Variants in COL5A1 observed in about 807,000 individuals in gnomAD.
The protein encoded by COL5A1 is collagen alpha-1(V) chain.
COL5A1 carries 16 observed loss-of-function variants against 263.7 expected under a neutral mutation model. The ratio of observed to expected loss-of-function variants is 0.06; its 90% CI spans 0.04 to 0.09. The LOEUF is 0.09. Among genes scored for constraint, COL5A1 ranks in the 10% least tolerant of loss-of-function variants. The pLI, the probability that COL5A1 is intolerant of heterozygous loss-of-function variation, is 1.00. For synonymous variants in COL5A1, 1,012 were observed against 1,004.5 expected, an observed-to-expected ratio of 1.01 and a Z score of -0.14; for missense variants, 2,036 against 2,540.5, an observed-to-expected ratio of 0.80 and a Z score of 4.27.
chr9:134,725,029 T>G (rs1157691492), intron 4 of COL5A1, among the ~76,000 whole-genome samples: 1 of 152,182 alleles, frequency 6.6e-6, no homozygotes, highest in African/African-American at 2.4e-5. Context: ...GGTGGCAAGA[T>G]GAGCTCCAGA....
At chr9:134,817,727 T>C (rs1422563106) in intron 53 of COL5A1, 51 bp from the exon 54 acceptor site, 4 of 1,573,116 alleles carry the variant, frequency 2.5e-6, no homozygotes, top group Non-Finnish European at 3.5e-6. Context: ...AGCTCGTCCC[T>C]CCACCCCTGC....
At chr9:134,830,238 G>A (rs1839551504) in intron 64 of COL5A1, 194 bp downstream of exon 64, 31 of 1,498,976 alleles carry the variant, frequency 2.1e-5, no homozygotes, top group South Asian at 4.8e-5. Flanking sequence ...GCTGGCTCGC[G>A]GCTCTGCATG....
chr9:134,760,922 T>C (rs1390168696), intron 18 of COL5A1, among the ~76,000 whole-genome samples: 6 of 112,446 alleles, frequency 5.3e-5, no homozygotes, highest in East Asian at 3.1e-4. Context: ...CACACACACG[T>C]ACACACATGC....
chr9:134,668,270 G>A (rs1272655716), intron 1 of COL5A1, among the ~76,000 whole-genome samples: 2 of 152,130 alleles, frequency 1.3e-5, no homozygotes, highest in Non-Finnish European at 2.9e-5. Flanking sequence ...TCCAGCATGA[G>A]GCTTAAGGAG....
intron 54 of COL5A1, 83 bp downstream of exon 54, chr9:134,817,914 G>T: frequency 7.2e-7 from 1 of 1,382,020 alleles, no homozygotes; most frequent in Non-Finnish European, 1.0e-6. Flanking sequence ...AAGCGTGTGG[G>T]CAGAGATGTC....
rs533767435 is a variant in COL5A1 at position 134,720,226 on chromosome 9, C to T, written c.655-7040C>T. On this transcript the variant is annotated intron_variant, in intron 4 of 65. Transcript: ENST00000371817. ...TGGGGTTTCTTTGGCTGTGCGTGCG[C>T]GTTGTGACCCAGCCCCAAGCTCCAG... Among the ~76,000 whole-genome samples the T allele has an allele frequency of 1.1e-4, 16 of 152,234 alleles. No individual in the cohort carries two copies. The East Asian group carries it at 3.1e-3, about 30-fold the overall frequency.
chr9:134,674,652 G>A (rs896854636), intron 1 of COL5A1, among the ~76,000 whole-genome samples: 5 of 152,152 alleles, frequency 3.3e-5, no homozygotes, highest in African/African-American at 4.8e-5. Flanking sequence ...TTGGGAGGCC[G>A]AGGTGGGTGG....
intron 46 of COL5A1, 118 bp from the exon 47 acceptor site, chr9:134,812,331 C>A: frequency 1.9e-6 from 2 of 1,059,064 alleles, no homozygotes; most frequent in East Asian, 2.4e-5. Flanking sequence ...CAGAGAAGCA[C>A]CTTCCCGGGG....
chr9:134,657,945 C>T (rs951258600), intron 1 of COL5A1, among the ~76,000 whole-genome samples: 1 of 151,884 alleles, frequency 6.6e-6, no homozygotes, highest in African/African-American at 2.4e-5. Context: ...GAGACCAGGC[C>T]TGGGAGTCCT....
At chr9:134,793,528 C>T (rs1425268322) in intron 32 of COL5A1, among the ~76,000 whole-genome samples, 1 of 152,096 alleles carries the variant, frequency 6.6e-6, no homozygotes, top group Non-Finnish European at 1.5e-5. Flanking sequence ...TTGCTAACTG[C>T]CAGGGCCCCA....
intron 31 of COL5A1, among the ~76,000 whole-genome samples, chr9:134,787,550 G>T (rs765100746): frequency 2.8e-4 from 43 of 152,226 alleles, no homozygotes; most frequent in Non-Finnish European, 5.7e-4. Context: ...CCTCACTGCG[G>T]TGCTGCTTCC....
rs1433346223 is a variant in COL5A1 at position 134,818,322 on chromosome 9, G to A, written c.4231-334G>A. Among the ~76,000 whole-genome samples the A allele has an allele frequency of 6.6e-6, 1 of 152,186 alleles. No individual in the cohort carries two copies. The highest frequency in any genetic ancestry group is 1.5e-5 in the Non-Finnish European group (1 of 68,008). On this transcript the variant is annotated intron_variant, in intron 54 of 65. Transcript: ENST00000371817. The surrounding 1 kb of genome is among the most constrained non-coding windows in gnomAD (Gnocchi z 6.0). Reference sequence around the variant, plus strand: ...AGTGAGGTGATGGCGGCCCGGCCTGGCACTGTCTGCCTCCCTCCTGGAGGC... The same window carrying A: ...AGTGAGGTGATGGCGGCCCGGCCTGACACTGTCTGCCTCCCTCCTGGAGGC...
intron 2 of COL5A1, among the ~76,000 whole-genome samples, chr9:134,697,408 C>T (rs982981591): frequency 2.6e-5 from 4 of 152,144 alleles, no homozygotes; most frequent in South Asian, 2.1e-4. Context: ...GATGGGGGTT[C>T]GTGGGCCTAG....
At chr9:134,651,050 C>T (rs1831664062) in intron 1 of COL5A1, among the ~76,000 whole-genome samples, 1 of 152,212 alleles carries the variant, frequency 6.6e-6, no homozygotes, top group Non-Finnish European at 1.5e-5. Context: ...TGGCTCCGCT[C>T]CCTCCTGTTT....
Position 134,678,859 on chromosome 9 carries a change from G to A in COL5A1, c.110-12053G>A, listed in dbSNP as rs1190945886. Among the ~76,000 whole-genome samples the A allele has an allele frequency of 6.6e-6, 1 of 152,244 alleles. No homozygotes were observed. Among genetic ancestry groups the A allele is most frequent in the African/African-American group, 2.4e-5 (1 of 41,458 alleles). On this transcript the variant is annotated intron_variant, in intron 1 of 65. Transcript: ENST00000371817. This position sits in a 1 kb window ranked among gnomAD's most constrained non-coding sequence, Gnocchi z 5.5. The stretch of plus-strand genomic sequence containing the variant: ...TCTGCTTTTTGCCAAGGCAGAGCCT[G>A]GGAAGAGGGAGCAGGGATCAGGCTG...
intron 4 of COL5A1, among the ~76,000 whole-genome samples, chr9:134,715,797 G>A (rs894488226): frequency 2.0e-5 from 3 of 152,230 alleles, no homozygotes; most frequent in Admixed American, 6.5e-5. Flanking sequence ...TCTCAAGTCA[G>A]AAGAATTTTT....
At chr9:134,709,094 A>G (rs1429973381) in intron 4 of COL5A1, 1 of 380,902 alleles carries the variant, frequency 2.6e-6, no homozygotes, top group Non-Finnish European at 5.3e-6. Flanking sequence ...TTTCTGGACA[A>G]GGTCACCTGT....
rs796405005 is a variant in COL5A1, at chr9:134,690,821, TG to T, written c.110-86del. The T allele has an allele frequency of 2.4e-5, 35 of 1,456,744 alleles. 2 individuals are homozygous for T. In the East Asian group the frequency reaches 2.8e-4, roughly 11 times the overall value. The allele number at this position is 1,456,744 out of a possible 1,614,324, so 90.2% of individuals were successfully genotyped here. On this transcript the variant is annotated intron_variant, in intron 1 of 65. Transcript: ENST00000371817. ...TGCCCAGGATTCACAGTGGTGGGGG[TG>T]GGGGTGCTTCCTGTCATCCCAGCTT...
In COL5A1 at chr9:134,696,798, G is replaced by A. The variant is rs573350835; in HGVS notation, c.278-3111G>A. On this transcript the variant is annotated intron_variant, in intron 2 of 65. Coordinates refer to ENST00000371817, the MANE Select transcript of COL5A1 (RefSeq NM_000093.5). This position sits in a 1 kb window ranked among gnomAD's most constrained non-coding sequence, Gnocchi z 4.3. ...AAAAGTGAAAAGCTCTGGCCGGGCG[G>A]GGTGGCTCACACCTGTAATCCCAGC... is the stretch of plus-strand genomic sequence containing the variant. 3.0e-3 allele frequency among the ~76,000 whole-genome samples: 452 copies of A among 152,170 alleles called. 3 individuals are homozygous for A. The highest frequency in any genetic ancestry group is 1.6e-3 in the Non-Finnish European group (108 of 68,010).
Sources: allele counts gnomAD v4.1 joint callset (sites outside exome capture counted in the v4.1 genomes callset), GRCh38; gene constraint gnomAD v4.1.1; non-coding constraint Gnocchi (gnomAD v3.1); transcripts MANE v1.5; gene names NCBI Gene and HGNC (gene_info 2026-07-23, HGNC 2026-07-21).